MACROD2: variants seen among roughly 807,000 people sequenced by gnomAD.
MACROD2 encodes the protein mono-ADP ribosylhydrolase 2.
A neutral mutation model predicts 70.4 loss-of-function variants in MACROD2; 36 were observed. That is an observed-to-expected ratio of 0.51 (90% CI 0.39 to 0.68). The LOEUF is 0.68. MACROD2 is among the 30% of genes least tolerant of loss of function. The probability of loss-of-function intolerance (pLI) is 0.00; values close to 1 mark genes in which losing one functional copy is unlikely to be tolerated. For synonymous variants in MACROD2, 172 were observed against 178.8 expected (o/e 0.96, Z 0.30); for missense variants, 496 against 538.4 (o/e 0.92, Z 0.78).
intron 6 of MACROD2, among the ~76,000 whole-genome samples, chr20:15,334,647 A>G (rs1656226802): frequency 6.6e-6 from 1 of 151,694 alleles, no homozygotes; most frequent in Non-Finnish European, 1.5e-5. Context: ...AATGATAATT[A>G]ACATTCACTG....
chr20:14,883,313 A>T (rs2073632154), intron 5 of MACROD2, among the ~76,000 whole-genome samples: 1 of 152,164 alleles, frequency 6.6e-6, no homozygotes, highest in South Asian at 2.1e-4. Flanking sequence ...TAATTTGAAC[A>T]TTATGTCTAC....
intron 5 of MACROD2, among the ~76,000 whole-genome samples, chr20:15,034,616 T>A (rs1252216548): frequency 6.6e-6 from 1 of 152,136 alleles, no homozygotes; most frequent in Non-Finnish European, 1.5e-5. Flanking sequence ...TGTGAAGCAT[T>A]TTTTTGGTCA....
intron 5 of MACROD2, among the ~76,000 whole-genome samples, chr20:14,848,098 C>G (rs938981508): frequency 1.3e-5 from 2 of 152,154 alleles, no homozygotes; most frequent in African/African-American, 4.8e-5. Flanking sequence ...GCAGCTAAGA[C>G]CAGAGCTTTT....
At chr20:15,657,504 G>A (rs2049749451) in intron 8 of MACROD2, among the ~76,000 whole-genome samples, 1 of 152,156 alleles carries the variant, frequency 6.6e-6, no homozygotes, top group African/African-American at 2.4e-5. Flanking sequence ...ACCAAAGATA[G>A]ATAGATAAAT....
chr20:15,050,234 A>C (rs1315546881), intron 5 of MACROD2, among the ~76,000 whole-genome samples: 1 of 152,212 alleles, frequency 6.6e-6, no homozygotes. Flanking sequence ...TCAAAGTGGA[A>C]TTATGCATGT....
intron 8 of MACROD2, among the ~76,000 whole-genome samples, chr20:15,770,386 T>C (rs2051604822): frequency 1.3e-5 from 2 of 152,258 alleles, no homozygotes; most frequent in South Asian, 4.1e-4. Context: ...GAAAAGTAGA[T>C]TCTAGCTGAT....
At chr20:14,102,599 T>C (rs1260570721) in intron 3 of MACROD2, among the ~76,000 whole-genome samples, 1 of 152,076 alleles carries the variant, frequency 6.6e-6, no homozygotes, top group Non-Finnish European at 1.5e-5. Context: ...GGGGAAAAAA[T>C]GACTGCACAC....
chr20:15,686,078 C>T (rs1189085487), intron 8 of MACROD2, among the ~76,000 whole-genome samples: 1 of 152,168 alleles, frequency 6.6e-6, no homozygotes, highest in African/African-American at 2.4e-5. Flanking sequence ...GGAAAAGTCA[C>T]ACAGGTGGAA....
chr20:14,423,687 G>A (rs140523799), intron 3 of MACROD2, among the ~76,000 whole-genome samples: 3,157 of 127,814 alleles, frequency 0.025, 148 homozygotes, highest in African/African-American at 0.085. Context: ...ACGACAGAGC[G>A]AGACTCTGTC....
intron 8 of MACROD2, among the ~76,000 whole-genome samples, chr20:15,566,985 G>A (rs144630034): frequency 2.3e-3 from 344 of 152,104 alleles, no homozygotes; most frequent in African/African-American, 7.9e-3. Context: ...AAGTGAGAAA[G>A]TGGAAAAGCC....
chr20:15,058,055 TC>T (rs1720931017), intron 5 of MACROD2, among the ~76,000 whole-genome samples: 1 of 152,194 alleles, frequency 6.6e-6, no homozygotes, highest in Non-Finnish European at 1.5e-5. Context: ...GATTTAAAGT[TC>T]ACTTTTTCTT....
Position 14,941,241 on chromosome 20 carries a change from G to A in MACROD2, c.418+256282G>A, listed in dbSNP as rs138399515. On this transcript the variant is annotated intron_variant, in intron 5 of 17. Coordinates refer to ENST00000684519, the MANE Select transcript of MACROD2 (RefSeq NM_001351661.2). ...TTGCTATGTCTCCTTTTTCCTTTATGATTTTATTTATTGGGTCTTCTCTCT... is the reference window on the plus strand; with the variant it reads ...TTGCTATGTCTCCTTTTTCCTTTATAATTTTATTTATTGGGTCTTCTCTCT... Among the ~76,000 whole-genome samples, 117 of 152,082 alleles carry A rather than the reference G, an allele frequency of 7.7e-4. 1 individual carries two copies. In the East Asian group the frequency reaches 9.7e-3, roughly 13 times the overall value.
intron 3 of MACROD2, among the ~76,000 whole-genome samples, chr20:14,170,204 A>C (rs977298224): frequency 2.0e-5 from 3 of 152,142 alleles, no homozygotes; most frequent in Admixed American, 2.0e-4. Flanking sequence ...CACTTCTTTC[A>C]AGATAAATTT....
intron 8 of MACROD2, among the ~76,000 whole-genome samples, chr20:15,826,081 T>C (rs1468147649): frequency 6.6e-6 from 1 of 152,220 alleles, no homozygotes; most frequent in Non-Finnish European, 1.5e-5. Context: ...CCTTTAAACA[T>C]CTGTGATTAT....
intron 8 of MACROD2, among the ~76,000 whole-genome samples, chr20:15,724,053 A>G (rs534154900): frequency 6.6e-6 from 1 of 152,198 alleles, no homozygotes; most frequent in East Asian, 1.9e-4. Flanking sequence ...CATTTTTCTC[A>G]TATGTCTATT....
chr20:15,910,141 T>C (rs1434026251), intron 10 of MACROD2, among the ~76,000 whole-genome samples: 1 of 152,178 alleles, frequency 6.6e-6, no homozygotes, highest in Non-Finnish European at 1.5e-5. Context: ...TCAACTCACT[T>C]TTCTGTTTCC....
rs185669674 is a variant in MACROD2 at position 14,808,741 on chromosome 20, T to G, written c.418+123782T>G. ...CTCAAAATAAAGGGATGGAGCAAGA[T>G]TTACCAAGAAAATGGAAAGAAAAAA... On this transcript the variant is annotated intron_variant, in intron 5 of 17. Transcript: ENST00000684519. Among the ~76,000 whole-genome samples, 133 of 150,650 alleles carry G rather than the reference T, an allele frequency of 8.8e-4. 1 individual carries two copies. The highest frequency in any genetic ancestry group is 2.9e-3 in the South Asian group (14 of 4,784).
At chr20:14,802,855 A>C (rs1328577071) in intron 5 of MACROD2, among the ~76,000 whole-genome samples, 1 of 150,340 alleles carries the variant, frequency 6.7e-6, no homozygotes, top group Non-Finnish European at 1.5e-5. Context: ...GTATCTGCAA[A>C]AGATTTTTTT....
intron 5 of MACROD2, among the ~76,000 whole-genome samples, chr20:14,739,423 A>G (rs2071706801): frequency 6.6e-6 from 1 of 151,980 alleles, no homozygotes; most frequent in South Asian, 2.1e-4. Context: ...AAGATTATAT[A>G]TATTAATAAC....
Sources: allele counts gnomAD v4.1 joint callset (sites outside exome capture counted in the v4.1 genomes callset), GRCh38; gene constraint gnomAD v4.1.1; transcripts MANE v1.5; gene names NCBI Gene and HGNC (gene_info 2026-07-23, HGNC 2026-07-21).